USP35: variants seen among roughly 807,000 people sequenced by gnomAD.
USP35 encodes the protein ubiquitin carboxyl-terminal hydrolase 35.
A neutral mutation model predicts 83.8 loss-of-function variants in USP35; 69 were observed. The ratio of observed to expected loss-of-function variants is 0.82; its 90% CI spans 0.68 to 1.01. USP35 has a LOEUF of 1.01. Ranked by LOEUF, USP35 falls within the 50% of genes least tolerant of loss-of-function variation. The pLI is 0.00. For synonymous variants in USP35, 714 were observed against 589.5 expected, an observed-to-expected ratio of 1.21 and a Z score of -3.06; for missense variants, 1,503 against 1,362.5, an observed-to-expected ratio of 1.10 and a Z score of -1.62.
chr11:78,220,606 A>G, the USP35 span, among the ~76,000 whole-genome samples: 3 of 152,164 alleles, frequency 2.0e-5, no homozygotes, highest in Non-Finnish European at 4.4e-5. Context: ...CCTCATGACA[A>G]TCCTGTAAGG....
intron 10 of USP35, 38 bp downstream of exon 10, chr11:78,210,782 G>A (rs1306012225): frequency 6.7e-7 from 1 of 1,500,072 alleles, no homozygotes; most frequent in African/African-American, 1.4e-5. Flanking sequence ...TGATCTCTTG[G>A]TGGAGGGAGT....
Position 78,209,883 on chromosome 11 carries a change from G to GGT in USP35, c.2028_2029insGT (p.Ile677ValfsTer2). 6.2e-7 allele frequency: 1 copy of GGT among 1,606,294 alleles called. No individual in the cohort carries two copies. Among genetic ancestry groups the GGT allele is most frequent in the Non-Finnish European group, 8.5e-7 (1 of 1,175,914 alleles). ...GTGGGCAGAGCAGTCAGGAGGAAAG[G>GGT]ATAGAGAGGGAGGAAGAAGGGAAGG... On this transcript the variant is annotated frameshift_variant, in exon 10 of 11. Transcript: ENST00000529308. LOFTEE classifies it high-confidence loss of function.
At position 78,213,631 on chromosome 11, in the gene USP35, C is replaced by CATCT; in HGVS notation, c.2890-14_2890-11dup. 7.5e-6 allele frequency: 11 copies of CATCT among 1,471,336 alleles called. No homozygotes were observed. The highest frequency in any genetic ancestry group is 9.9e-6 in the Non-Finnish European group (11 of 1,116,438). 91.1% of individuals were successfully genotyped at this position (1,471,336 alleles called of 1,614,324 possible). On this transcript the variant is annotated splice_polypyrimidine_tract_variant and intron_variant, in intron 10 of 10. Coordinates refer to ENST00000529308, the MANE Select transcript of USP35 (RefSeq NM_020798.4). ...TGAATTCTAAGTCTAAGTCTCCTCT[C>CATCT]ATCTGTGTTCCCAGGAGCAGGAGAA...
chr11:78,200,883 A>G, intron 6 of USP35, 75 bp downstream of exon 6: 1 of 1,510,068 alleles, frequency 6.6e-7, no homozygotes, highest in Middle Eastern at 1.8e-4. Flanking sequence ...AGCGGGCCAT[A>G]CCACAGCTTG....
intron 1 of USP35, among the ~76,000 whole-genome samples, chr11:78,189,688 G>C (rs1036487280): frequency 7.2e-5 from 11 of 152,220 alleles, no homozygotes; most frequent in Non-Finnish European, 1.3e-4. Context: ...TCACAGGTTT[G>C]TGAGGGGTGG....
chr11:78,196,785 A>G lies in USP35; in HGVS notation c.540A>G (p.Glu180=), dbSNP rs1863161588. ...TCGGCCGCTTCCGCTGCCCAGCCGA[A>G]GGCGAGGAGGGCGCCGTGGAGTTCC... is the stretch of plus-strand genomic sequence containing the variant. The part of the protein sequence containing the change: ...RCLGRFRCPA[E]GEEGAVEFLE... Residue 180 remains glutamate, a synonymous_variant, in exon 2 of 11, where the codon GAA becomes GAG. Coordinates refer to ENST00000529308, the MANE Select transcript of USP35 (RefSeq NM_020798.4). The surrounding 1 kb of genome is among the most constrained non-coding windows in gnomAD (Gnocchi z 4.8). The G allele has an allele frequency of 1.3e-6, 2 of 1,533,672 alleles. No homozygotes were observed. The highest frequency in any genetic ancestry group is 8.7e-7 in the Non-Finnish European group (1 of 1,145,762).
rs1427693026 is a variant in USP35, at chr11:78,209,699, T to G, written c.1844T>G (p.Met615Arg). ...CGCCGCCGCCGCCTGGGCTCTGTGA[T>G]GCGCCCCACAGAAGACATCACAGCC... is the stretch of plus-strand genomic sequence containing the variant. Reference protein sequence around the residue: ...RCRRRRLGSVMRPTEDITARE... With the variant: ...RCRRRRLGSVRRPTEDITARE... The change falls in exon 10 of 11, where the codon ATG (methionine) becomes AGG (arginine). Residue 615 changes from methionine (M) to arginine (R), a missense_variant. Physicochemically the swap from Met to Arg is moderately conservative, Grantham distance 91. Coordinates refer to ENST00000529308, the MANE Select transcript of USP35 (RefSeq NM_020798.4). 1 of 1,613,954 alleles carries G rather than the reference T, an allele frequency of 6.2e-7. No homozygotes were observed. The highest frequency in any genetic ancestry group is 1.1e-5 in the South Asian group (1 of 91,072).
the USP35 span, among the ~76,000 whole-genome samples, chr11:78,234,107 G>A: frequency 1.3e-5 from 2 of 151,842 alleles, no homozygotes; most frequent in African/African-American, 4.8e-5. Flanking sequence ...TAAATACAGG[G>A]TCTTATTCTG....
the USP35 span, among the ~76,000 whole-genome samples, chr11:78,225,358 C>T: frequency 1.2e-3 from 185 of 152,340 alleles, no homozygotes; most frequent in African/African-American, 4.3e-3. Context: ...CACATCACTC[C>T]TCAGTTCAAA....
the USP35 span, among the ~76,000 whole-genome samples, chr11:78,229,084 C>T: frequency 3.4e-4 from 51 of 152,134 alleles, no homozygotes; most frequent in Non-Finnish European, 5.3e-4. Flanking sequence ...GGATGCAAAT[C>T]ATTACAGTCA....
At chr11:78,222,247 C>T in the USP35 span, 6 of 1,106,932 alleles carry the variant, frequency 5.4e-6, no homozygotes, top group Non-Finnish European at 8.4e-6. Context: ...TAATGCTACA[C>T]ATACACACCT....
intron 7 of USP35, among the ~76,000 whole-genome samples, chr11:78,206,969 A>T (rs1012744855): frequency 3.3e-5 from 5 of 152,200 alleles, no homozygotes; most frequent in African/African-American, 1.2e-4. Context: ...TATTCCTCAC[A>T]TTGACCTCTG....
chr11:78,198,421 G>A (rs1863223551), intron 3 of USP35, among the ~76,000 whole-genome samples: 2 of 152,232 alleles, frequency 1.3e-5, no homozygotes. Flanking sequence ...TTCACGAGGT[G>A]CTTTCTGAGT....
In USP35 at chr11:78,210,563, T is replaced by C; in HGVS notation, c.2708T>C (p.Phe903Ser). 6.2e-7 allele frequency: 1 copy of C among 1,613,188 alleles called. No individual in the cohort carries two copies. Among genetic ancestry groups the C allele is most frequent in the Middle Eastern group, 1.7e-4 (1 of 6,060 alleles). ...FNDTRVSFSS[F>S]ESVSNVTSFF... ...GACACTCGGGTGTCCTTCTCTTCCT[T>C]CGAATCTGTCAGCAACGTCACCTCC... The change falls in exon 10 of 11, where the codon TTC becomes TCC. Residue 903 changes from phenylalanine (F) to serine (S), a missense_variant. Physicochemically the swap from Phe to Ser is radical, Grantham distance 155. Coordinates refer to ENST00000529308, the MANE Select transcript of USP35 (RefSeq NM_020798.4).
intron 6 of USP35, among the ~76,000 whole-genome samples, chr11:78,202,137 C>T (rs116265598): frequency 0.014 from 2,141 of 152,238 alleles, 47 homozygotes; most frequent in African/African-American, 0.049. Flanking sequence ...TGGAGTGAGG[C>T]AAGTGCGTGG....
the USP35 span, among the ~76,000 whole-genome samples, chr11:78,235,302 G>A: frequency 4.4e-3 from 664 of 151,902 alleles, 6 homozygotes; most frequent in African/African-American, 0.015. Context: ...AAAGGCGCCC[G>A]TCACCATGCC....
At chr11:78,215,874 G>A (rs1421696112), downstream of USP35, 2 of 152,752 alleles carry the variant, frequency 1.3e-5, no homozygotes, top group Non-Finnish European at 2.9e-5. Flanking sequence ...GGATAGGGGT[G>A]CTGGGCCGAG....
rs1376050373 is a variant in USP35 at position 78,200,737 on chromosome 11, C to A, written c.1126C>A (p.Leu376Met). 9 of 1,614,084 alleles carry A rather than the reference C, an allele frequency of 5.6e-6. No homozygotes were observed. The highest frequency in any genetic ancestry group is 1.7e-5 in the Admixed American group (1 of 60,012). ...GTSCLEQLAE[L>M]VHCMVFRFPG... Reference sequence around the variant, plus strand: ...CAGCTGCCTGGAGCAGCTGGCGGAGCTGGTCCACTGCATGGTGTTCCGGTT... The same window carrying A: ...CAGCTGCCTGGAGCAGCTGGCGGAGATGGTCCACTGCATGGTGTTCCGGTT... Residue 376 changes from leucine to methionine, a missense_variant, in exon 6 of 11, where the codon CTG becomes ATG. Transcript: ENST00000529308.
At chr11:78,191,330 G>T (rs1393024459) in intron 1 of USP35, among the ~76,000 whole-genome samples, 2 of 152,230 alleles carry the variant, frequency 1.3e-5, no homozygotes, top group Non-Finnish European at 2.9e-5. Flanking sequence ...TTTCCTGAGT[G>T]CTCACTGCGT....
Sources: allele counts gnomAD v4.1 joint callset (sites outside exome capture counted in the v4.1 genomes callset), GRCh38; gene constraint gnomAD v4.1.1; non-coding constraint Gnocchi (gnomAD v3.1); transcripts MANE v1.5; gene names NCBI Gene and HGNC (gene_info 2026-07-23, HGNC 2026-07-21).